Variants in IGSF11 observed in about 807,000 individuals in gnomAD.
IGSF11 encodes the protein CXADR like 1.
Under a neutral mutation model 41.0 loss-of-function variants are expected in IGSF11, and 22 were observed. That is an observed-to-expected ratio of 0.54 (90% confidence interval 0.38 to 0.77). The LOEUF is 0.77. IGSF11 is among the 30% of genes least tolerant of loss of function. IGSF11 has a pLI of 0.00. For synonymous variants in IGSF11, 219 were observed against 201.3 expected (o/e 1.09, Z -0.74); for missense variants, 444 against 530.8 (o/e 0.84, Z 1.61).
intron 1 of IGSF11, among the ~76,000 whole-genome samples, chr3:119,024,364 G>A (rs538029534): frequency 4.0e-4 from 61 of 152,018 alleles, no homozygotes; most frequent in Admixed American, 7.9e-4. Context: ...ATCTCTTATC[G>A]GTAGGTTGTT....
chr3:119,109,452 T>C (rs1197132977), upstream of IGSF11, among the ~76,000 whole-genome samples: 1 of 152,208 alleles, frequency 6.6e-6, no homozygotes, highest in African/African-American at 2.4e-5. Flanking sequence ...TTATCATTTT[T>C]TATTGCGTCT....
At chr3:119,013,768 G>T (rs898597218) in intron 1 of IGSF11, among the ~76,000 whole-genome samples, 6 of 152,208 alleles carry the variant, frequency 3.9e-5, no homozygotes, top group Admixed American at 6.5e-5. Flanking sequence ...GACAACGTGT[G>T]TCTTGCCCAA....
chr3:119,111,054 T>G (rs558996628), intron 1 of IGSF11, among the ~76,000 whole-genome samples: 1 of 152,212 alleles, frequency 6.6e-6, no homozygotes, highest in South Asian at 2.1e-4. Context: ...TTGGTGAATC[T>G]GACAATTATG....
At chr3:119,033,907 T>C (rs76469364) in intron 1 of IGSF11, among the ~76,000 whole-genome samples, 1 of 152,216 alleles carries the variant, frequency 6.6e-6, no homozygotes, top group Non-Finnish European at 1.5e-5. Context: ...AACAAGAAAT[T>C]TAAAGACATT....
chr3:118,966,347 A>ACATGG (rs1195268410), intron 1 of IGSF11, among the ~76,000 whole-genome samples: 1 of 152,200 alleles, frequency 6.6e-6, no homozygotes, highest in East Asian at 1.9e-4. Flanking sequence ...GTATAAAGTC[A>ACATGG]CATGGCTCTT....
chr3:119,034,512 A>C lies in IGSF11; in HGVS notation c.52+19T>G. 1.3e-6 allele frequency: 2 copies of C among 1,551,682 alleles called. No individual in the cohort carries two copies. Among genetic ancestry groups the C allele is most frequent in the Non-Finnish European group, 1.7e-6 (2 of 1,147,332 alleles). On this transcript the variant is annotated intron_variant, in intron 1 of 6. Coordinates refer to ENST00000393775, the MANE Select transcript of IGSF11 (RefSeq NM_001015887.3). ...ACCCGGCCTGGCCCCACCGGGAAGA[A>C]AGGGCTGGAGCTACTCACCGTGCAG...
intron 1 of IGSF11, among the ~76,000 whole-genome samples, chr3:119,041,021 A>C (rs1941098659): frequency 6.6e-6 from 1 of 152,188 alleles, no homozygotes; most frequent in South Asian, 2.1e-4. Context: ...GGAAAACTTA[A>C]AGCCTCAAAT....
chr3:119,123,400 C>A (rs945885597), intron 1 of IGSF11, among the ~76,000 whole-genome samples: 1 of 152,200 alleles, frequency 6.6e-6, no homozygotes, highest in African/African-American at 2.4e-5. Flanking sequence ...CATCTCTGGA[C>A]CCACCTGGCA....
intron 6 of IGSF11, among the ~76,000 whole-genome samples, chr3:118,903,369 A>T (rs1939162150): frequency 6.6e-6 from 1 of 151,932 alleles, no homozygotes; most frequent in South Asian, 2.1e-4. Context: ...TATAGTATTC[A>T]TATATAGTAA....
Position 118,956,135 on chromosome 3 carries a change from T to C in IGSF11, c.53-25860A>G, listed in dbSNP as rs199829541. On this transcript the variant is annotated intron_variant, in intron 1 of 6. Transcript: ENST00000393775. ...AACATTTTTCTGTGCCTTCCTTGCCTCTCTGTCTTCACAGAATTGAAAAAA... is the reference window on the plus strand; with the variant it reads ...AACATTTTTCTGTGCCTTCCTTGCCCCTCTGTCTTCACAGAATTGAAAAAA... Among the ~76,000 whole-genome samples the C allele has an allele frequency of 6.6e-5, 10 of 152,274 alleles. No homozygotes were observed. In the South Asian group the frequency reaches 1.5e-3, roughly 22 times the overall value.
At chr3:118,942,208 A>G (rs911370636) in intron 1 of IGSF11, among the ~76,000 whole-genome samples, 2 of 152,242 alleles carry the variant, frequency 1.3e-5, no homozygotes, top group Non-Finnish European at 2.9e-5. Context: ...AATGGCTTGA[A>G]AAACAAATTA....
intron 1 of IGSF11, among the ~76,000 whole-genome samples, chr3:118,951,915 T>TCCA (rs1366075356): frequency 6.6e-6 from 1 of 152,092 alleles, no homozygotes; most frequent in Non-Finnish European, 1.5e-5. Flanking sequence ...GTTGGTTGAA[T>TCCA]CCATGGCTGC....
At chr3:118,948,199 C>T (rs1944302524) in intron 1 of IGSF11, 1 of 152,168 alleles carries the variant, frequency 6.6e-6, no homozygotes, top group South Asian at 2.1e-4. Flanking sequence ...AACACAGATT[C>T]TTGGACATAT....
Position 118,905,583 on chromosome 3 carries a change from T to G in IGSF11, c.703+13A>C. The G allele has an allele frequency of 2.5e-6, 4 of 1,613,644 alleles. No homozygotes were observed. The South Asian group carries it at 4.4e-5, about 18-fold the overall frequency. ...CAGACCCATGGTTGACATCAGAATT[T>G]CCATATGCTTACGTGAAATAACCTG... is the stretch of plus-strand genomic sequence containing the variant. On this transcript the variant is annotated intron_variant, in intron 5 of 6. Coordinates refer to ENST00000393775, the MANE Select transcript of IGSF11 (RefSeq NM_001015887.3).
At chr3:119,077,368 G>A (rs1247656370) in intron 1 of IGSF11, among the ~76,000 whole-genome samples, 1 of 151,916 alleles carries the variant, frequency 6.6e-6, no homozygotes, top group Non-Finnish European at 1.5e-5. Context: ...GTATACATAT[G>A]TAACAAACCT....
At chr3:119,008,340 A>G (rs1022602001) in intron 1 of IGSF11, among the ~76,000 whole-genome samples, 1 of 152,240 alleles carries the variant, frequency 6.6e-6, no homozygotes, top group Non-Finnish European at 1.5e-5. Flanking sequence ...TTGAATTCCA[A>G]AATCTCCAAA....
chr3:118,965,573 T>G (rs184275740), intron 1 of IGSF11, among the ~76,000 whole-genome samples: 1 of 151,964 alleles, frequency 6.6e-6, no homozygotes, highest in Admixed American at 6.6e-5. Flanking sequence ...GGAAAACTAG[T>G]TCCAAATTAT....
rs574248935 is a variant in IGSF11, at chr3:118,925,566, C to T, written c.580+535G>A. ...CTAAATTTAAGCAGCTGGGTTTACA[C>T]GTAGAAATCATCCATGACCCTCAGT... On this transcript the variant is annotated intron_variant, in intron 4 of 6. Coordinates refer to ENST00000393775, the MANE Select transcript of IGSF11 (RefSeq NM_001015887.3). 1.6e-4 allele frequency among the ~76,000 whole-genome samples: 25 copies of T among 152,234 alleles called. 1 individual carries two copies. Among genetic ancestry groups the T allele is most frequent in the African/African-American group, 3.9e-4 (16 of 41,556 alleles).
At position 118,928,733 on chromosome 3, in the gene IGSF11, A is replaced by C; in HGVS notation, c.217-17T>G. The C allele has an allele frequency of 6.2e-7, 1 of 1,601,294 alleles. No homozygotes were observed. Among genetic ancestry groups the C allele is most frequent in the Admixed American group, 1.7e-5 (1 of 59,300 alleles). ...CAGGATGACCTGGAAAAGAAAGCAAAATAAATAAACTGGCCACTCTATCCT... is the reference window on the plus strand; with the variant it reads ...CAGGATGACCTGGAAAAGAAAGCAACATAAATAAACTGGCCACTCTATCCT... On this transcript the variant is annotated splice_polypyrimidine_tract_variant and intron_variant, in intron 2 of 6. Transcript: ENST00000393775.
Sources: gnomAD v4.1 joint callset for allele counts (sites outside exome capture counted in the v4.1 genomes callset) on GRCh38, gnomAD v4.1.1 for gene constraint, MANE v1.5 for transcripts, NCBI Gene and HGNC (gene_info 2026-07-23, HGNC 2026-07-21) for gene names.